Variants in SLC30A4 observed in about 807,000 individuals in gnomAD.
SLC30A4 encodes solute carrier family 30 member 4.
A neutral mutation model predicts 41.7 loss-of-function variants in SLC30A4; 20 were observed. The ratio of observed to expected loss-of-function variants is 0.48; its 90% CI spans 0.34 to 0.70. SLC30A4 has a LOEUF of 0.70. Ranked by LOEUF, SLC30A4 falls within the 30% of genes least tolerant of loss-of-function variation. The pLI is 0.01. For synonymous variants in SLC30A4, 181 were observed against 195.9 expected (o/e 0.92, Z 0.64); for missense variants, 441 against 529.3 (o/e 0.83, Z 1.64).
intron 2 of SLC30A4, among the ~76,000 whole-genome samples, chr15:45,516,786 C>G (rs1892492871): frequency 6.6e-6 from 1 of 151,898 alleles, no homozygotes; most frequent in Non-Finnish European, 1.5e-5. Flanking sequence ...AGGAGAATCA[C>G]TTGAATCCGG....
chr15:45,489,677 A>C (rs1354259855), intron 4 of SLC30A4, among the ~76,000 whole-genome samples: 3 of 150,908 alleles, frequency 2.0e-5, no homozygotes, highest in Non-Finnish European at 4.4e-5. Flanking sequence ...CTAAATGACG[A>C]GTTAATGGGT....
chr15:45,515,189 T>C (rs960772544), intron 2 of SLC30A4, among the ~76,000 whole-genome samples: 2 of 152,022 alleles, frequency 1.3e-5, no homozygotes, highest in Non-Finnish European at 2.9e-5. Flanking sequence ...GCTTGGCTTT[T>C]TTTTTTTCTT....
At chr15:45,521,009 G>C (rs1892650625) in intron 2 of SLC30A4, 1 of 466,874 alleles carries the variant, frequency 2.1e-6, no homozygotes, top group Admixed American at 2.5e-5. Context: ...CCCTGGGGAG[G>C]AGTGTTATGA....
rs1891620357 is a variant in SLC30A4, at chr15:45,482,641, T to A, written c.*2522A>T. ...CTCAAAGTCCATAAATATGTCCAGA[T>A]GTCCACTGAAATATCTCTCATTTAT... On this transcript the variant is annotated 3_prime_UTR_variant, in exon 8 of 8. Transcript: ENST00000261867. 1 of 152,202 alleles carries A rather than the reference T, an allele frequency of 6.6e-6. No individual in the cohort carries two copies. The highest frequency in any genetic ancestry group is 1.5e-5 in the Non-Finnish European group (1 of 68,036). The allele number at this position is 152,202 out of a possible 1,614,324, so 9.4% of individuals were successfully genotyped here.
chr15:45,511,830 T>C (rs150735105), intron 2 of SLC30A4, among the ~76,000 whole-genome samples: 26 of 152,336 alleles, frequency 1.7e-4, no homozygotes, highest in African/African-American at 6.3e-4. Context: ...CAATGACCTT[T>C]AGAAAGTTAA....
intron 3 of SLC30A4, among the ~76,000 whole-genome samples, chr15:45,501,561 C>A (rs1435255789): frequency 6.6e-6 from 1 of 152,174 alleles, no homozygotes; most frequent in Non-Finnish European, 1.5e-5. Context: ...AGGGCAGTGG[C>A]GTGCACATAG....
At chr15:45,495,434 A>G (rs1297056956) in intron 3 of SLC30A4, among the ~76,000 whole-genome samples, 1 of 152,202 alleles carries the variant, frequency 6.6e-6, no homozygotes, top group Non-Finnish European at 1.5e-5. Context: ...TCTGTCAGAT[A>G]TAATATTGGA....
At chr15:45,521,885 C>T (rs1892676732) in intron 2 of SLC30A4, 79 bp downstream of exon 2, 1 of 1,454,686 alleles carries the variant, frequency 6.9e-7, no homozygotes, top group Non-Finnish European at 9.4e-7. Flanking sequence ...TGGGTTAAAC[C>T]TCAAAGCCTG....
chr15:45,487,443 T>C (rs1891725563), intron 6 of SLC30A4, 84 bp downstream of exon 6: 11 of 695,198 alleles, frequency 1.6e-5, no homozygotes, highest in Non-Finnish European at 2.9e-5. Context: ...GCAAAAGATG[T>C]AATTCCTATT....
At chr15:45,493,968 A>C (rs1891860217) in intron 3 of SLC30A4, among the ~76,000 whole-genome samples, 1 of 152,218 alleles carries the variant, frequency 6.6e-6, no homozygotes, top group Non-Finnish European at 1.5e-5. Flanking sequence ...ACTTTGAAAG[A>C]GATTAATATA....
At chr15:45,489,565 AGAG>A (rs1891771338) in intron 4 of SLC30A4, among the ~76,000 whole-genome samples, 1 of 139,366 alleles carries the variant, frequency 7.2e-6, no homozygotes, top group African/African-American at 2.7e-5. Flanking sequence ...AGAGGTACAC[AGAG>A]TCTTACTAAC....
chr15:45,489,863 T>C (rs1378246448), intron 4 of SLC30A4, among the ~76,000 whole-genome samples: 5 of 152,216 alleles, frequency 3.3e-5, no homozygotes, highest in African/African-American at 1.2e-4. Context: ...TAGATCATAT[T>C]TGGCTCACTG....
At chr15:45,488,751 G>A in intron 5 of SLC30A4, 90 bp downstream of exon 5, 1 of 935,464 alleles carries the variant, frequency 1.1e-6, no homozygotes. Context: ...AACTGGCACT[G>A]GTGTCCAGTA....
chr15:45,486,130 C>G (rs781473070), intron 7 of SLC30A4, among the ~76,000 whole-genome samples: 1 of 151,952 alleles, frequency 6.6e-6, no homozygotes, highest in Non-Finnish European at 1.5e-5. Context: ...TCAGGCAATT[C>G]TCCTGCCTCA....
chr15:45,515,426 G>A (rs1466615851), intron 2 of SLC30A4, among the ~76,000 whole-genome samples: 1 of 152,044 alleles, frequency 6.6e-6, no homozygotes, highest in Non-Finnish European at 1.5e-5. Context: ...AGGCCGAGGC[G>A]GGTGGATCAC....
At chr15:45,503,541 G>A (rs995337018) in intron 3 of SLC30A4, among the ~76,000 whole-genome samples, 2 of 151,930 alleles carry the variant, frequency 1.3e-5, no homozygotes, top group African/African-American at 4.8e-5. Flanking sequence ...GCTTCAATCT[G>A]GGAGGGGCAG....
Position 45,518,077 on chromosome 15 carries a change from C to A in SLC30A4, c.391+3887G>T, listed in dbSNP as rs180748201. Reference sequence around the variant, plus strand: ...ATCTCTTCCTCCTGCCTCTTTCCCTCATGGTTACACATTGAAGCCAAACTG... The same window carrying A: ...ATCTCTTCCTCCTGCCTCTTTCCCTAATGGTTACACATTGAAGCCAAACTG... On this transcript the variant is annotated intron_variant, in intron 2 of 7. Transcript: ENST00000261867. 4.9e-4 allele frequency among the ~76,000 whole-genome samples: 74 copies of A among 152,370 alleles called. No homozygotes were observed. The East Asian group carries it at 0.011, about 22-fold the overall frequency.
chr15:45,496,475 T>G (rs1340134373), intron 3 of SLC30A4, among the ~76,000 whole-genome samples: 3 of 152,208 alleles, frequency 2.0e-5, no homozygotes, highest in African/African-American at 7.2e-5. Context: ...CTATTTCATT[T>G]TCTTAAAAGA....
chr15:45,505,101 C>T (rs2140834940), intron 3 of SLC30A4, among the ~76,000 whole-genome samples: 1 of 151,984 alleles, frequency 6.6e-6, no homozygotes, highest in Non-Finnish European at 1.5e-5. Context: ...AATGGTGGCA[C>T]ACGTCTATAA....
Sources: allele counts gnomAD v4.1 joint callset (sites outside exome capture counted in the v4.1 genomes callset), GRCh38; gene constraint gnomAD v4.1.1; transcripts MANE v1.5; gene names NCBI Gene and HGNC (gene_info 2026-07-23, HGNC 2026-07-21).